Variants in AFG2A observed in about 807,000 individuals in gnomAD.
AFG2A encodes ATPase family gene 2 protein homolog A.
At chr4:123,116,731 G>C in the AFG2A span, among the ~76,000 whole-genome samples, 10 of 152,256 alleles carry the variant, frequency 6.6e-5, no homozygotes, top group South Asian at 1.9e-3. Context: ...CAGATTTTGG[G>C]ATTTATAGAT....
chr4:123,168,623 G>A, the AFG2A span, among the ~76,000 whole-genome samples: 1 of 152,054 alleles, frequency 6.6e-6, no homozygotes, highest in Non-Finnish European at 1.5e-5. Flanking sequence ...TTCAAATGGG[G>A]ATTAGTTATG....
chr4:123,235,803 G>T, the AFG2A span, among the ~76,000 whole-genome samples: 4 of 152,176 alleles, frequency 2.6e-5, no homozygotes, highest in Non-Finnish European at 4.4e-5. Context: ...TAACAGCAGT[G>T]CAACTGGGCT....
At chr4:123,222,950 T>A in the AFG2A span, among the ~76,000 whole-genome samples, 2 of 152,234 alleles carry the variant, frequency 1.3e-5, no homozygotes. Flanking sequence ...AGATGGACAT[T>A]TAAGTTGTTT....
the AFG2A span, among the ~76,000 whole-genome samples, chr4:122,956,530 AAGGAGAGCATCAGTTGATAAAG>A: frequency 2.0e-5 from 3 of 151,816 alleles, no homozygotes; most frequent in African/African-American, 4.8e-5. Flanking sequence ...TTGATAAAGT[AAGGAGAGCATCAGTTGATAAAG>A]TAGAAAATAT....
the AFG2A span, among the ~76,000 whole-genome samples, chr4:123,095,030 C>CAAAAAAAAAA: frequency 2.8e-5 from 1 of 35,318 alleles, no homozygotes; most frequent in Non-Finnish European, 7.1e-5. Flanking sequence ...TCCCTCCCCA[C>CAAAAAAAAAA]AAAAAAAAAA....
the AFG2A span, among the ~76,000 whole-genome samples, chr4:123,259,676 C>G: frequency 3.3e-5 from 5 of 152,014 alleles, no homozygotes; most frequent in African/African-American, 1.2e-4. Flanking sequence ...GTAGCAATTC[C>G]ACCTCATTTA....
At chr4:123,180,928 T>C in the AFG2A span, among the ~76,000 whole-genome samples, 1 of 151,702 alleles carries the variant, frequency 6.6e-6, no homozygotes, top group Admixed American at 6.6e-5. Context: ...ATATAATCTC[T>C]GTGGAATCTC....
At chr4:122,976,326 T>A in the AFG2A span, among the ~76,000 whole-genome samples, 1 of 152,192 alleles carries the variant, frequency 6.6e-6, no homozygotes, top group African/African-American at 2.4e-5. Context: ...TCTCACAGCC[T>A]GATGGAGAGG....
At chr4:123,054,917 G>C in the AFG2A span, among the ~76,000 whole-genome samples, 10 of 151,628 alleles carry the variant, frequency 6.6e-5, no homozygotes, top group Non-Finnish European at 1.5e-4. Flanking sequence ...TTTTATAACT[G>C]TTCTCTCGAC....
the AFG2A span, among the ~76,000 whole-genome samples, chr4:123,034,235 G>A: frequency 5.9e-5 from 9 of 152,134 alleles, no homozygotes; most frequent in African/African-American, 1.9e-4. Context: ...CAGGACTTGA[G>A]TATGTGTGCA....
At chr4:123,121,086 T>C in the AFG2A span, among the ~76,000 whole-genome samples, 6 of 152,136 alleles carry the variant, frequency 3.9e-5, no homozygotes, top group East Asian at 1.2e-3. Context: ...AATATATGTG[T>C]TTGTGTCTTC....
At chr4:123,151,594 A>G in the AFG2A span, among the ~76,000 whole-genome samples, 1 of 152,238 alleles carries the variant, frequency 6.6e-6, no homozygotes, top group Non-Finnish European at 1.5e-5. Context: ...ATCTCTCACC[A>G]GTTAGAATGG....
the AFG2A span, among the ~76,000 whole-genome samples, chr4:122,969,773 T>C: frequency 6.6e-6 from 1 of 152,330 alleles, no homozygotes; most frequent in Admixed American, 6.5e-5. Flanking sequence ...TTTGGTAGTT[T>C]TATGTGAAAA....
At chr4:123,293,983 G>T in the AFG2A span, among the ~76,000 whole-genome samples, 1 of 152,144 alleles carries the variant, frequency 6.6e-6, no homozygotes, top group Non-Finnish European at 1.5e-5. Context: ...ACTCCATTTG[G>T]GCTATGATTA....
chr4:123,066,879 T>A, the AFG2A span, among the ~76,000 whole-genome samples: 1 of 152,162 alleles, frequency 6.6e-6, no homozygotes, highest in Admixed American at 6.5e-5. Context: ...TTTTCTCTTA[T>A]AATAGTTTTA....
the AFG2A span, among the ~76,000 whole-genome samples, chr4:123,247,501 C>T: frequency 2.6e-5 from 4 of 152,144 alleles, no homozygotes; most frequent in East Asian, 7.7e-4. Context: ...CCTCCCTAGG[C>T]CTCAACCTCC....
chr4:123,036,328 A>T, the AFG2A span, among the ~76,000 whole-genome samples: 6 of 152,160 alleles, frequency 3.9e-5, no homozygotes, highest in East Asian at 5.8e-4. Flanking sequence ...ACTGTCAATG[A>T]CTGGCAGATG....
chr4:123,068,924 C>A, the AFG2A span, among the ~76,000 whole-genome samples: 1 of 152,148 alleles, frequency 6.6e-6, no homozygotes, highest in Non-Finnish European at 1.5e-5. Context: ...GCATCATCAT[C>A]TTCATGGTAA....
the AFG2A span, among the ~76,000 whole-genome samples, chr4:123,239,052 G>A: frequency 6.6e-6 from 1 of 152,178 alleles, no homozygotes; most frequent in Non-Finnish European, 1.5e-5. Flanking sequence ...ACAAACTTCA[G>A]TAGCCAATTC....
Sources: gnomAD v4.1 joint callset for allele counts (sites outside exome capture counted in the v4.1 genomes callset) on GRCh38, gnomAD v4.1.1 for gene constraint, MANE v1.5 for transcripts, NCBI Gene and HGNC (gene_info 2026-07-23, HGNC 2026-07-21) for gene names.